KCNIP4: variants seen among roughly 807,000 people sequenced by gnomAD.
The protein encoded by KCNIP4 is potassium voltage-gated channel interacting protein 4.
Under a neutral mutation model 34.0 loss-of-function variants are expected in KCNIP4, and 12 were observed. The observed-to-expected ratio is 0.35, with a 90% CI of 0.23 to 0.57. KCNIP4 has a LOEUF of 0.57. Among genes scored for constraint, KCNIP4 ranks in the 20% least tolerant of loss-of-function variants. KCNIP4 has a pLI of 0.83. For synonymous variants in KCNIP4, 124 were observed against 102.2 expected (o/e 1.21, Z -1.29); for missense variants, 238 against 311.7 (o/e 0.76, Z 1.78).
chr4:20,905,496 G>A (rs1326554342), intron 1 of KCNIP4, among the ~76,000 whole-genome samples: 3 of 97,782 alleles, frequency 3.1e-5, no homozygotes, highest in Admixed American at 1.0e-4. Context: ...ACAGGTAGTT[G>A]AACGTTTTCT....
intron 1 of KCNIP4, among the ~76,000 whole-genome samples, chr4:20,901,985 G>A (rs574146104): frequency 6.6e-6 from 1 of 151,898 alleles, no homozygotes; most frequent in Non-Finnish European, 1.5e-5. Flanking sequence ...CCTGCTTTGT[G>A]TTAGCTTTGA....
chr4:21,176,350 C>T (rs1157239001), intron 1 of KCNIP4, among the ~76,000 whole-genome samples: 1 of 151,932 alleles, frequency 6.6e-6, no homozygotes. Flanking sequence ...AAGAGGGGAC[C>T]AAAAGAGGCC....
At chr4:21,586,571 C>T (rs1049669131) in intron 1 of KCNIP4, among the ~76,000 whole-genome samples, 46 of 151,804 alleles carry the variant, frequency 3.0e-4, no homozygotes, top group African/African-American at 1.1e-3. Context: ...TAAAAGGTTC[C>T]AAAAAGAAAA....
intron 1 of KCNIP4, among the ~76,000 whole-genome samples, chr4:21,054,053 T>TATTG (rs1743177813): frequency 6.6e-6 from 1 of 152,142 alleles, no homozygotes; most frequent in African/African-American, 2.4e-5. Flanking sequence ...AAAATGTAGA[T>TATTG]ACTGACAAAA....
rs146550964 is a variant in KCNIP4 at position 21,822,452 on chromosome 4, G to T, written c.61+126119C>A. On this transcript the variant is annotated intron_variant, in intron 1 of 8. Coordinates refer to ENST00000382152, the MANE Select transcript of KCNIP4 (RefSeq NM_025221.6). ...GGTACTAATCCAAAATGTCATCCAG[G>T]ACTCCATGATAATATTATCCAGAAA... 3.9e-5 allele frequency among the ~76,000 whole-genome samples: 6 copies of T among 152,080 alleles called. No individual in the cohort carries two copies. In the East Asian group the frequency reaches 1.2e-3, roughly 30 times the overall value.
At chr4:21,798,186 C>T (rs1019918751) in intron 1 of KCNIP4, among the ~76,000 whole-genome samples, 4 of 150,986 alleles carry the variant, frequency 2.6e-5, no homozygotes, top group Admixed American at 2.0e-4. Flanking sequence ...AAATAAAAAC[C>T]TACATGTATA....
chr4:21,185,821 C>G (rs763048959), intron 1 of KCNIP4, among the ~76,000 whole-genome samples: 1 of 152,204 alleles, frequency 6.6e-6, no homozygotes, highest in East Asian at 1.9e-4. Flanking sequence ...GAGGCATCTA[C>G]TGTATCAGCA....
At position 21,599,157 on chromosome 4, in the gene KCNIP4, G is replaced by T. The variant is rs575558207; in HGVS notation, c.61+349414C>A. ...GGGACCCTTCGGGAAATGTTCTACT[G>T]CCTCCTATGTTCTGCTTTGAATCCT... is the stretch of plus-strand genomic sequence containing the variant. On this transcript the variant is annotated intron_variant, in intron 1 of 8. Coordinates refer to ENST00000382152, the MANE Select transcript of KCNIP4 (RefSeq NM_025221.6). Among the ~76,000 whole-genome samples the T allele has an allele frequency of 6.6e-5, 10 of 152,138 alleles. No homozygotes were observed. The East Asian group carries it at 1.9e-3, about 29-fold the overall frequency.
At chr4:21,014,097 A>G (rs778928859) in intron 1 of KCNIP4, among the ~76,000 whole-genome samples, 3 of 152,194 alleles carry the variant, frequency 2.0e-5, no homozygotes, top group South Asian at 2.1e-4. Flanking sequence ...GATGACATCT[A>G]CATCTTTACC....
chr4:21,617,319 C>T (rs530891523), intron 1 of KCNIP4, among the ~76,000 whole-genome samples: 5 of 152,216 alleles, frequency 3.3e-5, no homozygotes, highest in Admixed American at 3.3e-4. Context: ...ATGAGAATCA[C>T]AGAGAAGTGG....
chr4:21,192,915 T>TCTA (rs576122943), intron 1 of KCNIP4, among the ~76,000 whole-genome samples: 1,995 of 94,260 alleles, frequency 0.021, 25 homozygotes, highest in African/African-American at 0.025. Context: ...CCGCCCCGTC[T>TCTA]CTACTACTAC....
chr4:21,582,020 A>ATAGAG (rs1741243896), intron 1 of KCNIP4: 1 of 143,096 alleles, frequency 7.0e-6, no homozygotes, highest in South Asian at 2.3e-4. Context: ...ATAGAATAGA[A>ATAGAG]TAGAATAGAA....
rs565660486 is a variant in KCNIP4 at position 21,200,304 on chromosome 4, A to G, written c.62-317595T>C. Reference sequence around the variant, plus strand: ...GTGATGTGTGTGTGTGTGTGTGTATATATATACATACATATATGTGTGTAT... The same window carrying G: ...GTGATGTGTGTGTGTGTGTGTGTATGTATATACATACATATATGTGTGTAT... On this transcript the variant is annotated intron_variant, in intron 1 of 8. Coordinates refer to ENST00000382152, the MANE Select transcript of KCNIP4 (RefSeq NM_025221.6). 9.3e-5 allele frequency among the ~76,000 whole-genome samples: 11 copies of G among 117,880 alleles called. No individual in the cohort carries two copies. The South Asian group carries it at 2.7e-3, about 29-fold the overall frequency. The allele number at this position is 117,880 out of a possible 152,430, so 77.3% of individuals were successfully genotyped here.
At chr4:20,826,216 C>A (rs1010099380) in intron 3 of KCNIP4, among the ~76,000 whole-genome samples, 7 of 152,164 alleles carry the variant, frequency 4.6e-5, no homozygotes, top group African/African-American at 1.7e-4. Flanking sequence ...ACTTTGGGAC[C>A]AGGAGAGGCA....
intron 1 of KCNIP4, among the ~76,000 whole-genome samples, chr4:21,788,328 A>C (rs1253218141): frequency 6.6e-6 from 1 of 152,242 alleles, no homozygotes; most frequent in Admixed American, 6.5e-5. Flanking sequence ...TACTTGAAGG[A>C]TATATTAACA....
intron 1 of KCNIP4, among the ~76,000 whole-genome samples, chr4:21,235,805 G>A (rs184854493): frequency 1.4e-4 from 21 of 152,252 alleles, no homozygotes; most frequent in Non-Finnish European, 1.9e-4. Flanking sequence ...AACTGGCTAT[G>A]GAAAGTGCTT....
chr4:21,039,671 T>C (rs1741778557), intron 1 of KCNIP4, among the ~76,000 whole-genome samples: 1 of 152,136 alleles, frequency 6.6e-6, no homozygotes, highest in Non-Finnish European at 1.5e-5. Context: ...ATTCAATTGC[T>C]CTTACTTGTT....
intron 1 of KCNIP4, among the ~76,000 whole-genome samples, chr4:21,929,124 A>G (rs10013216): frequency 0.26 from 38,920 of 152,022 alleles, 5,899 homozygotes; most frequent in East Asian, 0.62. Flanking sequence ...TAAGTTTAAA[A>G]ACATACACAT....
intron 1 of KCNIP4, among the ~76,000 whole-genome samples, chr4:21,895,273 C>T (rs1368443628): frequency 2.0e-5 from 3 of 152,142 alleles, no homozygotes; most frequent in African/African-American, 7.2e-5. Context: ...AGACAGACAA[C>T]TGATTTCAAC....
Sources: allele counts gnomAD v4.1 joint callset (sites outside exome capture counted in the v4.1 genomes callset), GRCh38; gene constraint gnomAD v4.1.1; transcripts MANE v1.5; gene names NCBI Gene and HGNC (gene_info 2026-07-23, HGNC 2026-07-21).